The following NEB variants were observed in gnomAD, a reference collection of about 807,000 sequenced individuals.
NEB encodes the protein nebulin.
In NEB, 512 loss-of-function variants were observed where a neutral mutation model predicts 952.2. The observed-to-expected ratio is 0.54, with a 90% CI of 0.50 to 0.58. The LOEUF (loss-of-function observed/expected upper bound fraction) is 0.58. NEB is among the 20% of genes least tolerant of loss of function. The pLI is 0.00. For missense variants in NEB, 8,428 were observed against 9,231.1 expected, an observed-to-expected ratio of 0.91 and a Z score of 3.56; for synonymous variants, 2,900 against 3,149.8, an observed-to-expected ratio of 0.92 and a Z score of 2.66.
At chr2:151,709,874 G>T in intron 11 of NEB, 111 bp from the exon 12 acceptor site, 1 of 743,272 alleles carries the variant, frequency 1.3e-6, no homozygotes, top group Non-Finnish European at 2.3e-6. Context: ...CCTGTCCTTG[G>T]TTTAGGCTGG....
intron 24 of NEB, chr2:151,689,197 C>CTTTTTTTTTTTT (rs11305294): frequency 1.7e-5 from 1 of 57,888 alleles, no homozygotes; most frequent in Non-Finnish European, 3.2e-5. Context: ...GATATATACT[C>CTTTTTTTTTTTT]TTTTTTTTTT....
rs71000485 is a variant in NEB at position 151,723,749 on chromosome 2, TG to T, written c.613-264del. On this transcript the variant is annotated intron_variant, in intron 8 of 181. Transcript: ENST00000397345. ...TCTCTGTGACTCTACCTGCCTTCTT[TG>T]TTTTTTTTTTTTTTTTTTTTTTTTG... 3.4e-3 allele frequency among the ~76,000 whole-genome samples: 407 copies of T among 121,126 alleles called. 7 individuals are homozygous for T. The highest frequency in any genetic ancestry group is 0.011 in the African/African-American group (295 of 26,108). 79.5% of individuals were successfully genotyped at this position (121,126 alleles called of 152,430 possible).
chr2:151,729,773 G>A, intron 3 of NEB, 117 bp from the exon 4 acceptor site: 2 of 1,062,900 alleles, frequency 1.9e-6, no homozygotes, highest in South Asian at 2.6e-5. Context: ...AATGTCTGTG[G>A]GAAAGGGGTA....
chr2:151,497,322 C>G, intron 171 of NEB: 2 of 977,816 alleles, frequency 2.0e-6, no homozygotes, highest in Non-Finnish European at 2.4e-6. Context: ...GCCTCCTAAA[C>G]AATTATATGA....
chr2:151,528,103 G>T (rs2087652617), intron 146 of NEB, among the ~76,000 whole-genome samples: 1 of 152,152 alleles, frequency 6.6e-6, no homozygotes, highest in Non-Finnish European at 1.5e-5. Context: ...AACTTCCCAA[G>T]GTGAGACTTA....
rs1289143121 is a variant in NEB, at chr2:151,490,523, G to A, written c.25151-5C>T. ...GGCTCCGGCGCTGAGCTTGGACTGG[G>A]AGAGATGCAGTTGGGGGAGATGTAG... is the stretch of plus-strand genomic sequence containing the variant. On this transcript the variant is annotated splice_region_variant and splice_polypyrimidine_tract_variant and intron_variant, in intron 179 of 181. Coordinates refer to ENST00000397345, the MANE Select transcript of NEB (RefSeq NM_001164508.2). The A allele has an allele frequency of 6.2e-7, 1 of 1,607,904 alleles. No individual in the cohort carries two copies. The highest frequency in any genetic ancestry group is 8.5e-7 in the Non-Finnish European group (1 of 1,177,116).
Position 151,639,463 on chromosome 2 carries a change from T to G in NEB, c.8890-79A>C. On this transcript the variant is annotated intron_variant, in intron 62 of 181. Transcript: ENST00000397345. ...TAGGAATTTTAGGGCCACAAAAACT[T>G]TATAAAAAAAAAGAAAAGGTTATGT... is the stretch of plus-strand genomic sequence containing the variant. The G allele has an allele frequency of 2.8e-6, 3 of 1,058,140 alleles. No homozygotes were observed. The South Asian group carries it at 5.6e-5, about 20-fold the overall frequency. 65.5% of individuals were successfully genotyped at this position (1,058,140 alleles called of 1,614,324 possible).
chr2:151,612,355 C>T lies in NEB; in HGVS notation c.11636G>A (p.Gly3879Asp), dbSNP rs199766288. The T allele has an allele frequency of 1.7e-5, 27 of 1,613,790 alleles. No individual in the cohort carries two copies. The highest frequency in any genetic ancestry group is 2.2e-5 in the Non-Finnish European group (26 of 1,179,776). ...AGAGCCAATGGGAACCCATCCTATGCCTCTCAGCCACTCAAGATCAGATTT... is the reference window on the plus strand; with the variant it reads ...AGAGCCAATGGGAACCCATCCTATGTCTCTCAGCCACTCAAGATCAGATTT... ...IYKSDLEWLR[G>D]IGWVPIGSVE... is the part of the protein sequence containing the mutation. Residue 3879 changes from glycine to aspartate, a missense_variant, in exon 78 of 182, where the codon GGC becomes GAC. Transcript: ENST00000397345.
intron 27 of NEB, among the ~76,000 whole-genome samples, chr2:151,685,870 A>G (rs1425683160): frequency 6.6e-6 from 1 of 152,232 alleles, no homozygotes; most frequent in African/African-American, 2.4e-5. Context: ...TGGCAAGTAC[A>G]GATGTGCACT....
At chr2:151,518,855 T>C (rs2153384493) in intron 155 of NEB, 110 bp downstream of exon 155, 1 of 692,236 alleles carries the variant, frequency 1.4e-6, no homozygotes, top group Non-Finnish European at 2.6e-6. Flanking sequence ...AACAGTTTTG[T>C]AATAAATCTA....
intron 153 of NEB, among the ~76,000 whole-genome samples, chr2:151,521,118 CACTA>C (rs1035445437): frequency 9.2e-5 from 14 of 152,090 alleles, no homozygotes; most frequent in Non-Finnish European, 1.8e-4. Context: ...ATGAAAGACT[CACTA>C]ACACCAGTAC....
intron 40 of NEB, 119 bp from the exon 41 acceptor site, chr2:151,666,520 T>G (rs547889698): frequency 1.0e-6 from 1 of 954,150 alleles, no homozygotes; most frequent in Non-Finnish European, 1.5e-6. Context: ...ACATCGAAGT[T>G]TTTTTTTGTA....
intron 56 of NEB, 135 bp from the exon 57 acceptor site, chr2:151,644,264 A>G: frequency 7.6e-7 from 1 of 1,317,334 alleles, no homozygotes; most frequent in South Asian, 1.4e-5. Context: ...TTTGATAAGA[A>G]AGATTAAAGG....
intron 30 of NEB, 52 bp downstream of exon 30, chr2:151,680,678 T>A (rs915713183): frequency 2.3e-6 from 3 of 1,296,864 alleles, no homozygotes; most frequent in African/African-American, 3.0e-5. Context: ...GAAATACAAA[T>A]GTATTTGTAT....
At chr2:151,514,750 A>T in intron 158 of NEB, 68 bp downstream of exon 158, 1 of 1,123,034 alleles carries the variant, frequency 8.9e-7, no homozygotes. Flanking sequence ...TAGGAGGAAC[A>T]CATTAATGAG....
At chr2:151,618,170 G>T in intron 74 of NEB, 105 bp downstream of exon 74, 1 of 989,344 alleles carries the variant, frequency 1.0e-6, no homozygotes, top group Non-Finnish European at 1.6e-6. Flanking sequence ...ATTTAAGAAG[G>T]TATCATAATG....
At chr2:151,537,092 T>C in intron 141 of NEB, 40 bp downstream of exon 141, 1 of 1,258,492 alleles carries the variant, frequency 7.9e-7, no homozygotes. Flanking sequence ...TACAGGTATA[T>C]GTCGAATGGA....
At chr2:151,488,507 A>C (rs144475008) in intron 181 of NEB, among the ~76,000 whole-genome samples, 58 of 151,714 alleles carry the variant, frequency 3.8e-4, no homozygotes, top group African/African-American at 1.4e-3. Flanking sequence ...ATTAGCCTAG[A>C]ATGGCATATA....
rs12624108 is a variant in NEB at position 151,647,855 on chromosome 2, T to G, written c.7432-1621A>C. On this transcript the variant is annotated intron_variant, in intron 54 of 181. Transcript: ENST00000397345. The stretch of plus-strand genomic sequence containing the variant: ...CCAGAGAAAATATTTTCTTTTCTTA[T>G]AAAGGATATTAGTGATAAAATTGAA... 4.2e-3 allele frequency among the ~76,000 whole-genome samples: 636 copies of G among 152,312 alleles called. 16 individuals are homozygous for G. In the East Asian group the frequency reaches 0.072, roughly 17 times the overall value.
Sources: allele counts gnomAD v4.1 joint callset (sites outside exome capture counted in the v4.1 genomes callset), GRCh38; gene constraint gnomAD v4.1.1; transcripts MANE v1.5; gene names NCBI Gene and HGNC (gene_info 2026-07-23, HGNC 2026-07-21).